VPS50: variants seen among roughly 807,000 people sequenced by gnomAD.
The protein encoded by VPS50 is syndetin.
Under a neutral mutation model 139.7 loss-of-function variants are expected in VPS50, and 70 were observed. The observed-to-expected ratio is 0.50, with a 90% CI of 0.41 to 0.61. The LOEUF is 0.61. VPS50 is among the 20% of genes least tolerant of loss of function. The probability of loss-of-function intolerance (pLI) is 0.00; values close to 1 mark genes in which losing one functional copy is unlikely to be tolerated. For missense variants in VPS50, 921 were observed against 1,133.7 expected (o/e 0.81, Z 2.69); for synonymous variants, 365 against 376.7 (o/e 0.97, Z 0.36).
chr7:93,254,254 T>C (rs1690755273), intron 4 of VPS50, among the ~76,000 whole-genome samples: 1 of 152,186 alleles, frequency 6.6e-6, no homozygotes, highest in African/African-American at 2.4e-5. Flanking sequence ...TCCCTACCCA[T>C]AGTTTTGTAA....
chr7:93,299,936 CA>C (rs1796928997), intron 16 of VPS50, among the ~76,000 whole-genome samples: 1 of 151,948 alleles, frequency 6.6e-6, no homozygotes, highest in Non-Finnish European at 1.5e-5. Context: ...ATATAATTGT[CA>C]AAATATTGTT....
rs775893551 is a variant in VPS50 at position 93,334,113 on chromosome 7, T to G, written c.1978-4T>G. 6.5e-7 allele frequency: 1 copy of G among 1,540,846 alleles called. No individual in the cohort carries two copies. The highest frequency in any genetic ancestry group is 8.9e-7 in the Non-Finnish European group (1 of 1,121,172). On this transcript the variant is annotated splice_polypyrimidine_tract_variant and splice_region_variant and intron_variant, in intron 21 of 27. Transcript: ENST00000305866. ...ACGATATAACAAGCCTTTTTCTTTT[T>G]CAGTTGGAATCAACTGGACTCGGCC...
At chr7:93,299,272 A>G (rs1263451320) in intron 16 of VPS50, among the ~76,000 whole-genome samples, 1 of 152,212 alleles carries the variant, frequency 6.6e-6, no homozygotes, top group East Asian at 1.9e-4. Flanking sequence ...GATAAACTTG[A>G]ACAGAAACTT....
chr7:93,348,823 G>A lies in VPS50; in HGVS notation c.2304+16G>A, dbSNP rs760275908. ...CTATTCTCAGGTCAGACATGGTCTT[G>A]TATGTCATTTCAACTGTGAGGAAGA... On this transcript the variant is annotated intron_variant, in intron 24 of 27. Transcript: ENST00000305866. 3 of 1,516,408 alleles carry A rather than the reference G, an allele frequency of 2.0e-6. No individual in the cohort carries two copies. Among genetic ancestry groups the A allele is most frequent in the Non-Finnish European group, 2.7e-6 (3 of 1,091,980 alleles). 93.9% of individuals were successfully genotyped at this position (1,516,408 alleles called of 1,614,324 possible). A position where few individuals can be genotyped will look rare whatever the true frequency, so the allele number is the denominator to read the frequency against.
At chr7:93,338,675 A>T (rs750345512) in intron 22 of VPS50, among the ~76,000 whole-genome samples, 10 of 152,150 alleles carry the variant, frequency 6.6e-5, no homozygotes, top group Non-Finnish European at 1.5e-4. Flanking sequence ...AGTCAGTTGT[A>T]AACAGGTAAT....
At chr7:93,299,488 T>C (rs1378549369) in intron 16 of VPS50, among the ~76,000 whole-genome samples, 2 of 152,326 alleles carry the variant, frequency 1.3e-5, no homozygotes, top group Non-Finnish European at 1.5e-5. Flanking sequence ...GCATACAGTT[T>C]GGTTCATGGT....
chr7:93,287,025 C>T (rs1432709738), intron 12 of VPS50, among the ~76,000 whole-genome samples: 1 of 149,340 alleles, frequency 6.7e-6, no homozygotes, highest in Non-Finnish European at 1.5e-5. Context: ...AAAAACTACC[C>T]CACCTTGCCT....
At chr7:93,275,690 A>G (rs910240911) in intron 11 of VPS50, among the ~76,000 whole-genome samples, 10 of 152,198 alleles carry the variant, frequency 6.6e-5, no homozygotes, top group Non-Finnish European at 1.3e-4. Flanking sequence ...ATATGATGTC[A>G]GGTAGTAACA....
At chr7:93,297,632 T>C (rs1796849697) in intron 16 of VPS50, among the ~76,000 whole-genome samples, 1 of 152,152 alleles carries the variant, frequency 6.6e-6, no homozygotes, top group African/African-American at 2.4e-5. Flanking sequence ...AGTATCTATC[T>C]TTTAAATGTA....
At chr7:93,247,593 C>T (rs1471082294) in intron 2 of VPS50, among the ~76,000 whole-genome samples, 2 of 151,988 alleles carry the variant, frequency 1.3e-5, no homozygotes, top group African/African-American at 4.8e-5. Flanking sequence ...ATTCTGTTTG[C>T]ATCACCCTCA....
At chr7:93,321,885 C>T (rs1476481462) in intron 20 of VPS50, among the ~76,000 whole-genome samples, 1 of 152,020 alleles carries the variant, frequency 6.6e-6, no homozygotes, top group Non-Finnish European at 1.5e-5. Context: ...TTTTTCTTCA[C>T]AGTGTTGCAT....
chr7:93,317,846 G>GT (rs1403080403), intron 20 of VPS50, among the ~76,000 whole-genome samples: 2 of 152,026 alleles, frequency 1.3e-5, no homozygotes, highest in African/African-American at 4.8e-5. Flanking sequence ...AAGTATCCTT[G>GT]TTTCGGATAC....
At chr7:93,232,871 C>T (rs1249190207) in intron 1 of VPS50, among the ~76,000 whole-genome samples, 1 of 152,128 alleles carries the variant, frequency 6.6e-6, no homozygotes, top group Admixed American at 6.5e-5. Flanking sequence ...GTGGTGTGGT[C>T]TGTGCAGTAG....
intron 22 of VPS50, among the ~76,000 whole-genome samples, chr7:93,336,540 G>T (rs1348946146): frequency 1.3e-5 from 2 of 152,168 alleles, no homozygotes; most frequent in Non-Finnish European, 2.9e-5. Context: ...TTATGAGACA[G>T]TCTCACTATG....
intron 16 of VPS50, among the ~76,000 whole-genome samples, chr7:93,301,333 T>A (rs911538760): frequency 1.3e-5 from 2 of 151,880 alleles, no homozygotes; most frequent in Non-Finnish European, 2.9e-5. Flanking sequence ...GTTGTAATGG[T>A]TACCACCAAC....
At chr7:93,333,398 T>G (rs1797989868) in intron 21 of VPS50, among the ~76,000 whole-genome samples, 1 of 152,218 alleles carries the variant, frequency 6.6e-6, no homozygotes, top group Non-Finnish European at 1.5e-5. Flanking sequence ...AGCTTACTCT[T>G]AATAATGTTT....
At chr7:93,295,236 G>T (rs998752243) in intron 14 of VPS50, among the ~76,000 whole-genome samples, 35 of 152,114 alleles carry the variant, frequency 2.3e-4, no homozygotes, top group African/African-American at 8.4e-4. Context: ...AGATCAGGGT[G>T]CCAGCATTGT....
chr7:93,354,391 T>C (rs1008079237), intron 26 of VPS50, among the ~76,000 whole-genome samples: 3 of 151,802 alleles, frequency 2.0e-5, no homozygotes, highest in African/African-American at 4.8e-5. Context: ...CCTCCTGGGC[T>C]CAAGCAATTC....
chr7:93,293,965 T>A (rs1024386272), intron 13 of VPS50, among the ~76,000 whole-genome samples: 2 of 152,236 alleles, frequency 1.3e-5, no homozygotes, highest in Non-Finnish European at 2.9e-5. Context: ...CACAAAAGTT[T>A]CATCTTTTTA....
Sources: allele counts gnomAD v4.1 joint callset (sites outside exome capture counted in the v4.1 genomes callset), GRCh38; gene constraint gnomAD v4.1.1; transcripts MANE v1.5; gene names NCBI Gene and HGNC (gene_info 2026-07-23, HGNC 2026-07-21).